The following RSRC1 variants were observed in gnomAD, a reference collection of about 807,000 sequenced individuals.
The protein encoded by RSRC1 is serine/Arginine-related protein 53.
In RSRC1, 39 loss-of-function variants were observed where a neutral mutation model predicts 49.1. The ratio of observed to expected loss-of-function variants is 0.79; its 90% CI spans 0.61 to 1.04. RSRC1 has a LOEUF of 1.04. RSRC1 is among the 50% of genes least tolerant of loss of function. RSRC1 has a pLI of 0.00. For missense variants in RSRC1, 388 were observed against 402.4 expected (o/e 0.96, Z 0.31); for synonymous variants, 143 against 130.8 (o/e 1.09, Z -0.63).
At position 158,377,496 on chromosome 3, in the gene RSRC1, T is replaced by C. The variant is rs1732438160; in HGVS notation, c.583+22588T>C. 2.0e-5 allele frequency among the ~76,000 whole-genome samples: 3 copies of C among 152,056 alleles called. No individual in the cohort carries two copies. The South Asian group carries it at 6.2e-4, about 32-fold the overall frequency. On this transcript the variant is annotated intron_variant, in intron 6 of 9. Coordinates refer to ENST00000611884, the MANE Select transcript of RSRC1 (RefSeq NM_001271838.2). ...GGTTGTTTAAAAGAGTGTAGTGTCT[T>C]CTCATTCTCCCGCTCTTGCTCCTTC...
At chr3:158,200,045 A>G (rs2682397) in intron 3 of RSRC1, among the ~76,000 whole-genome samples, 87,863 of 151,672 alleles carry the variant, frequency 0.58, 25,751 homozygotes, top group East Asian at 0.73. Context: ...TTATCCATTT[A>G]CTTTTTTTTT....
chr3:158,503,432 G>A (rs1412691078), intron 7 of RSRC1, among the ~76,000 whole-genome samples: 1 of 152,104 alleles, frequency 6.6e-6, no homozygotes, highest in African/African-American at 2.4e-5. Flanking sequence ...CCAGTGGTGG[G>A]CGGGGCCCTA....
chr3:158,414,247 G>T (rs927189266), intron 6 of RSRC1, among the ~76,000 whole-genome samples: 1 of 152,110 alleles, frequency 6.6e-6, no homozygotes, highest in African/African-American at 2.4e-5. Flanking sequence ...CATGCCCTTT[G>T]CAGGGACATG....
At chr3:158,143,248 T>G (rs1018834541) in intron 3 of RSRC1, among the ~76,000 whole-genome samples, 2 of 152,184 alleles carry the variant, frequency 1.3e-5, no homozygotes, top group African/African-American at 4.8e-5. Context: ...AATATACTTT[T>G]AGGTTTTGAG....
chr3:158,436,023 T>C (rs1352564195), intron 6 of RSRC1, among the ~76,000 whole-genome samples: 2 of 151,952 alleles, frequency 1.3e-5, no homozygotes, highest in African/African-American at 2.4e-5. Flanking sequence ...CTAAAACATT[T>C]AAGTAACATG....
In RSRC1 at chr3:158,144,129, AT is replaced by A. The variant is rs574429474; in HGVS notation, c.320+20146del. Among the ~76,000 whole-genome samples, 6 of 152,198 alleles carry A rather than the reference AT, an allele frequency of 3.9e-5. No homozygotes were observed. The East Asian group carries it at 5.8e-4, about 15-fold the overall frequency. ...ACCTTCATTTCTTTCAGAAATAGAA[AT>A]TTTTTTTAAATTATTTTATTATACT... On this transcript the variant is annotated intron_variant, in intron 3 of 9. Transcript: ENST00000611884.
intron 6 of RSRC1, among the ~76,000 whole-genome samples, chr3:158,373,252 A>T (rs142447582): frequency 1.3e-5 from 2 of 152,068 alleles, no homozygotes; most frequent in African/African-American, 4.8e-5. Context: ...TACTGTAGCT[A>T]GAATCTCCAG....
At chr3:158,432,078 C>A (rs191683947) in intron 6 of RSRC1, among the ~76,000 whole-genome samples, 8 of 152,048 alleles carry the variant, frequency 5.3e-5, no homozygotes, top group Admixed American at 1.3e-4. Context: ...ACAGGCAGCA[C>A]GCTGCTTTGT....
At position 158,406,396 on chromosome 3, in the gene RSRC1, A is replaced by T. The variant is rs892581551; in HGVS notation, c.583+51488A>T. Among the ~76,000 whole-genome samples the T allele has an allele frequency of 1.3e-5, 2 of 152,228 alleles. 1 individual carries two copies. Among genetic ancestry groups the T allele is most frequent in the Middle Eastern group, 6.8e-3 (2 of 294 alleles). On this transcript the variant is annotated intron_variant, in intron 6 of 9. Transcript: ENST00000611884. ...TATATAAATTGAAAAGAATTTATCT[A>T]ATCTCTGCAAGAGCAAGTTTTAAAA...
At chr3:158,206,457 G>A (rs1414682036) in intron 4 of RSRC1, among the ~76,000 whole-genome samples, 5 of 152,166 alleles carry the variant, frequency 3.3e-5, no homozygotes, top group African/African-American at 1.2e-4. Flanking sequence ...GCTTGGTTTA[G>A]AGTAGAAGAT....
At chr3:158,416,611 AAGCCTC>A (rs1428936788) in intron 6 of RSRC1, among the ~76,000 whole-genome samples, 1 of 152,038 alleles carries the variant, frequency 6.6e-6, no homozygotes, top group African/African-American at 2.4e-5. Flanking sequence ...GCCTTCAAGT[AAGCCTC>A]AGCCTTTGTG....
intron 4 of RSRC1, among the ~76,000 whole-genome samples, chr3:158,247,164 C>G (rs1723948379): frequency 6.6e-6 from 1 of 152,096 alleles, no homozygotes; most frequent in South Asian, 2.1e-4. Context: ...TCCACTTGGT[C>G]CATTCTGCCA....
In RSRC1 at chr3:158,516,911, C is replaced by T. The variant is rs1053668796; in HGVS notation, c.653-20181C>T. ...TGACTAGGAAACGGAACTCCCTGAC[C>T]CCTTGTGCTTCCCAAGTGAGGCAGT... On this transcript the variant is annotated intron_variant, in intron 7 of 9. Transcript: ENST00000611884. 3.3e-5 allele frequency among the ~76,000 whole-genome samples: 5 copies of T among 152,206 alleles called. No individual in the cohort carries two copies. In the East Asian group the frequency reaches 9.7e-4, roughly 29 times the overall value.
intron 5 of RSRC1, among the ~76,000 whole-genome samples, chr3:158,332,738 T>C (rs1412718858): frequency 1.3e-5 from 2 of 152,110 alleles, no homozygotes; most frequent in Admixed American, 1.3e-4. Flanking sequence ...AAAGAAAAAT[T>C]ATTACCATTT....
At chr3:158,214,321 G>A (rs1721839860) in intron 4 of RSRC1, among the ~76,000 whole-genome samples, 1 of 151,654 alleles carries the variant, frequency 6.6e-6, no homozygotes, top group African/African-American at 2.4e-5. Flanking sequence ...ATTTTTGTGT[G>A]ACCTGTAGTG....
At chr3:158,328,322 T>C (rs1386798416) in intron 5 of RSRC1, among the ~76,000 whole-genome samples, 1 of 152,228 alleles carries the variant, frequency 6.6e-6, no homozygotes, top group African/African-American at 2.4e-5. Flanking sequence ...AGTTTCTTCC[T>C]AGCATCGATG....
intron 5 of RSRC1, among the ~76,000 whole-genome samples, chr3:158,312,708 G>C (rs1728200269): frequency 6.6e-6 from 1 of 152,108 alleles, no homozygotes; most frequent in African/African-American, 2.4e-5. Context: ...GTCAGCCTTG[G>C]TTCTCATCCC....
chr3:158,173,515 A>C (rs1247733939), intron 3 of RSRC1, among the ~76,000 whole-genome samples: 1 of 151,990 alleles, frequency 6.6e-6, no homozygotes, highest in Non-Finnish European at 1.5e-5. Context: ...TTACATATTT[A>C]TGTATGTATA....
At chr3:158,206,216 C>T (rs1279545575) in intron 4 of RSRC1, among the ~76,000 whole-genome samples, 2 of 152,148 alleles carry the variant, frequency 1.3e-5, no homozygotes. Context: ...AGCATGTTGG[C>T]TTTCATTTTC....
Sources: allele counts gnomAD v4.1 joint callset (sites outside exome capture counted in the v4.1 genomes callset), GRCh38; gene constraint gnomAD v4.1.1; transcripts MANE v1.5; gene names NCBI Gene and HGNC (gene_info 2026-07-23, HGNC 2026-07-21).